The following FIS1 variants were observed in gnomAD, a reference collection of about 807,000 sequenced individuals.
The protein encoded by FIS1 is fission, mitochondrial 1.
A neutral mutation model predicts 21.6 loss-of-function variants in FIS1; 16 were observed. The observed-to-expected ratio is 0.74, with a 90% CI of 0.50 to 1.12. The LOEUF (loss-of-function observed/expected upper bound fraction) is 1.12. Among genes scored for constraint, FIS1 ranks in the 50% most tolerant of loss-of-function variants. FIS1 has a pLI of 0.00. For synonymous variants in FIS1, 92 were observed against 82.2 expected, an observed-to-expected ratio of 1.12 and a Z score of -0.65; for missense variants, 198 against 190.9, an observed-to-expected ratio of 1.04 and a Z score of -0.22.
rs1798781569 is a variant in FIS1 at position 101,244,017 on chromosome 7, C to T, written c.168G>A (p.Val56=). The change falls in exon 2 of 5, where the codon GTG becomes GTA. Residue 56 remains valine (V), a synonymous_variant. Coordinates refer to ENST00000223136, the MANE Select transcript of FIS1 (RefSeq NM_016068.3). ...AGTACAGCGCCTCACCCTCGAGCAG[C>T]ACGATGCCTTTACGGATGTCATCAT... ...KYNDDIRKGI[V]LLEELLPKGS... 6.2e-7 allele frequency: 1 copy of T among 1,613,244 alleles called. No homozygotes were observed. The highest frequency in any genetic ancestry group is 8.5e-7 in the Non-Finnish European group (1 of 1,179,812).
chr7:101,242,743 T>C (rs999466693), intron 2 of FIS1, among the ~76,000 whole-genome samples: 1 of 152,166 alleles, frequency 6.6e-6, no homozygotes, highest in Non-Finnish European at 1.5e-5. Context: ...TGCCCTGGCC[T>C]CCCAAGGTGC....
chr7:101,243,323 C>G (rs1798771824), intron 2 of FIS1, among the ~76,000 whole-genome samples: 1 of 152,192 alleles, frequency 6.6e-6, no homozygotes, highest in African/African-American at 2.4e-5. Context: ...CACCTGTAAT[C>G]CCAACACTGT....
In FIS1 at chr7:101,240,699, C is replaced by G. The variant is rs1798734303; in HGVS notation, c.255+131G>C. 12 of 844,558 alleles carry G rather than the reference C, an allele frequency of 1.4e-5. No homozygotes were observed. The South Asian group carries it at 1.8e-4, about 13-fold the overall frequency. 52.3% of individuals were successfully genotyped at this position (844,558 alleles called of 1,614,324 possible). ...GCCACTCTGATCTTCCCTCGGAGTC[C>G]TCATCTGACACCGCTCTGCACCTCT... On this transcript the variant is annotated intron_variant, in intron 3 of 4. Transcript: ENST00000223136.
At chr7:101,244,188 A>G in intron 1 of FIS1, 49 bp from the exon 2 acceptor site, 1 of 1,588,826 alleles carries the variant, frequency 6.3e-7, no homozygotes, top group Non-Finnish European at 8.6e-7. Flanking sequence ...GGCGTCAACC[A>G]TTCTCTATCT....
chr7:101,239,844 C>A lies in FIS1; in HGVS notation c.421G>T (p.Gly141Ter), dbSNP rs997985356. The A allele has an allele frequency of 1.9e-6, 3 of 1,595,058 alleles. No individual in the cohort carries two copies. The highest frequency in any genetic ancestry group is 2.3e-5 in the East Asian group (1 of 43,912). The stretch of plus-strand genomic sequence containing the variant: ...TTGGACACAGCAAGTCCGATGAGTC[C>A]GGCCAGTCCCGCCACACCCAGGGCC... Reference protein sequence around the residue: ...GMALGVAGLAGLIGLAVSKSK... With the variant: ...GMALGVAGLA Residue 141 changes from glycine to a stop codon, truncating the protein, a stop_gained, in exon 5 of 5, where the codon GGA (glycine) becomes TGA (stop). Coordinates refer to ENST00000223136, the MANE Select transcript of FIS1 (RefSeq NM_016068.3). LOFTEE classifies it high-confidence loss of function.
chr7:101,241,023 G>T, intron 2 of FIS1, 117 bp from the exon 3 acceptor site: 1 of 970,744 alleles, frequency 1.0e-6, no homozygotes, highest in Non-Finnish European at 1.6e-6. Context: ...GAGGGTCACA[G>T]TCCTAAGCCT....
chr7:101,244,361 T>C (rs1798786409), intron 1 of FIS1, among the ~76,000 whole-genome samples: 1 of 152,078 alleles, frequency 6.6e-6, no homozygotes, highest in Non-Finnish European at 1.5e-5. Context: ...CCCGCGGCGG[T>C]ACCGAGCGGA....
chr7:101,240,956 T>A lies in FIS1; in HGVS notation c.179-50A>T, dbSNP rs747603109. On this transcript the variant is annotated intron_variant, in intron 2 of 4. Transcript: ENST00000223136. ...GAGAAATGCTTCTTTCCTAATACTT[T>A]CCTAATACTGTGTCCCAGAGGCCCC... 24 of 1,575,448 alleles carry A rather than the reference T, an allele frequency of 1.5e-5. 1 individual carries two copies. The highest frequency in any genetic ancestry group is 1.5e-4 in the African/African-American group (11 of 74,156).
chr7:101,243,510 G>C (rs975839072), intron 2 of FIS1, among the ~76,000 whole-genome samples: 1 of 152,204 alleles, frequency 6.6e-6, no homozygotes, highest in East Asian at 1.9e-4. Flanking sequence ...GGGAGGTGGT[G>C]GTTGCAGTGA....
Position 101,240,267 on chromosome 7 carries a change from C to G in FIS1, c.256-20G>C. 6.2e-7 allele frequency: 1 copy of G among 1,610,568 alleles called. No homozygotes were observed. Among genetic ancestry groups the G allele is most frequent in the Non-Finnish European group, 8.5e-7 (1 of 1,176,738 alleles). On this transcript the variant is annotated intron_variant, in intron 3 of 4. Coordinates refer to ENST00000223136, the MANE Select transcript of FIS1 (RefSeq NM_016068.3). ...GTATTCCTGCGCTCGGGGAAACGCG[C>G]ACGCGTCATACACACCGCAGTGTTT...
Position 101,239,708 on chromosome 7 carries a change from A to T in FIS1, c.*98T>A. ...GGGGAGCAGAAATTAGCTGAAGGCCACAGAGGATAGAGACGGGGGGCAGGG... is the reference window on the plus strand; with the variant it reads ...GGGGAGCAGAAATTAGCTGAAGGCCTCAGAGGATAGAGACGGGGGGCAGGG... On this transcript the variant is annotated 3_prime_UTR_variant, in exon 5 of 5. Coordinates refer to ENST00000223136, the MANE Select transcript of FIS1 (RefSeq NM_016068.3). The T allele has an allele frequency of 2.0e-6, 2 of 1,002,560 alleles. No individual in the cohort carries two copies. Among genetic ancestry groups the T allele is most frequent in the Non-Finnish European group, 3.1e-6 (2 of 647,226 alleles). The allele number at this position is 1,002,560 out of a possible 1,614,324, so 62.1% of individuals were successfully genotyped here.
Position 101,239,713 on chromosome 7 carries a change from G to A in FIS1, c.*93C>T, listed in dbSNP as rs1221043559. ...GCAGAAATTAGCTGAAGGCCACAGA[G>A]GATAGAGACGGGGGGCAGGGGGAGA... On this transcript the variant is annotated 3_prime_UTR_variant, in exon 5 of 5. Transcript: ENST00000223136. 2.9e-6 allele frequency: 3 copies of A among 1,038,448 alleles called. No homozygotes were observed. Among genetic ancestry groups the A allele is most frequent in the South Asian group, 1.4e-5 (1 of 73,670 alleles). 64.3% of individuals were successfully genotyped at this position (1,038,448 alleles called of 1,614,324 possible).
Position 101,239,921 on chromosome 7 carries a change from C to G in FIS1, c.362-18G>C. On this transcript the variant is annotated intron_variant, in intron 4 of 4. Transcript: ENST00000223136. ...GAGTCCATCTGGGGAAGGAAAGGGA[C>G]AGTGTCAGGAGCCCGGCCCCTGCGG... The G allele has an allele frequency of 6.3e-7, 1 of 1,584,818 alleles. No individual in the cohort carries two copies. Among genetic ancestry groups the G allele is most frequent in the South Asian group, 1.1e-5 (1 of 87,922 alleles).
intron 2 of FIS1, among the ~76,000 whole-genome samples, chr7:101,243,337 AG>A (rs1376080245): frequency 1.3e-5 from 2 of 152,240 alleles, no homozygotes; most frequent in Non-Finnish European, 2.9e-5. Context: ...ACACTGTGGG[AG>A]GCCGAGGTGG....
chr7:101,240,381 C>T, intron 3 of FIS1, 134 bp from the exon 4 acceptor site: 1 of 801,856 alleles, frequency 1.2e-6, no homozygotes, highest in Admixed American at 2.7e-5. Flanking sequence ...CCACTGCAAC[C>T]TCAAACTCCC....
At position 101,244,725 on chromosome 7, in the gene FIS1, G is replaced by A. The variant is rs892673123; in HGVS notation, c.45+235C>T. On this transcript the variant is annotated intron_variant, in intron 1 of 4. Coordinates refer to ENST00000223136, the MANE Select transcript of FIS1 (RefSeq NM_016068.3). The stretch of plus-strand genomic sequence containing the variant: ...AGATCCCGTCAGTCTAACCACGGTC[G>A]GGCTCCAGGCCCGTAGTCTGAGGTG... 107 of 573,496 alleles carry A rather than the reference G, an allele frequency of 1.9e-4. 1 individual carries two copies. The highest frequency in any genetic ancestry group is 1.4e-3 in the Middle Eastern group (3 of 2,154). The allele number at this position is 573,496 out of a possible 1,614,324, so 35.5% of individuals were successfully genotyped here.
chr7:101,243,159 C>G (rs1798770559), intron 2 of FIS1, among the ~76,000 whole-genome samples: 1 of 152,156 alleles, frequency 6.6e-6, no homozygotes, highest in Non-Finnish European at 1.5e-5. Flanking sequence ...TGTACACTGA[C>G]TGTGTGCTTA....
Position 101,240,241 on chromosome 7 carries a change from C to G in FIS1, c.262G>C (p.Glu88Gln), listed in dbSNP as rs774243106. ...CCGCGGACGTACTTTAAGGCCTTCT[C>G]GTATTCCTGCGCTCGGGGAAACGCG... ...AVGNYRLKEY[E>Q]KALKYVRGLL... The change falls in exon 4 of 5, where the codon GAG (glutamate) becomes CAG (glutamine). Residue 88 changes from glutamate (E) to glutamine (Q), a missense_variant. Transcript: ENST00000223136. 10 of 1,614,078 alleles carry G rather than the reference C, an allele frequency of 6.2e-6. No individual in the cohort carries two copies. Among genetic ancestry groups the G allele is most frequent in the Middle Eastern group, 1.6e-4 (1 of 6,084 alleles).
intron 2 of FIS1, 76 bp from the exon 3 acceptor site, chr7:101,240,982 TTCCAC>T: frequency 7.1e-7 from 1 of 1,418,264 alleles, no homozygotes. Flanking sequence ...CAGAGGCCCC[TTCCAC>T]TCTCTGAATG....
Sources: allele counts gnomAD v4.1 joint callset (sites outside exome capture counted in the v4.1 genomes callset), GRCh38; gene constraint gnomAD v4.1.1; transcripts MANE v1.5; gene names NCBI Gene and HGNC (gene_info 2026-07-23, HGNC 2026-07-21).